VPS13B: variants seen among roughly 807,000 people sequenced by gnomAD.
VPS13B encodes the protein intermembrane lipid transfer protein VPS13B.
A neutral mutation model predicts 426.4 loss-of-function variants in VPS13B; 285 were observed. The ratio of observed to expected loss-of-function variants is 0.67; its 90% CI spans 0.61 to 0.74. The LOEUF (loss-of-function observed/expected upper bound fraction) is 0.74. Ranked by LOEUF, VPS13B falls within the 30% of genes least tolerant of loss-of-function variation. VPS13B has a pLI of 0.00. For missense variants in VPS13B, 4,537 were observed against 4,782.6 expected (o/e 0.95, Z 1.51); for synonymous variants, 1,676 against 1,676.4 (o/e 1.00, Z 0.01).
rs60089939 is a variant in VPS13B, at chr8:99,086,060, A to G, written c.292-10252A>G. Among the ~76,000 whole-genome samples, 77 of 152,298 alleles carry G rather than the reference A, an allele frequency of 5.1e-4. No individual in the cohort carries two copies. The East Asian group carries it at 0.012, about 23-fold the overall frequency. On this transcript the variant is annotated intron_variant, in intron 3 of 61. Transcript: ENST00000357162. ...ATAATATCCTGCAGAGTGTTTTCCA[A>G]CTTGTTTCCATTCTCCCTGTCACTT...
In VPS13B at chr8:99,720,954, T is replaced by G; in HGVS notation, c.6957T>G (p.Pro2319=). 1 of 1,614,026 alleles carries G rather than the reference T, an allele frequency of 6.2e-7. No homozygotes were observed. The highest frequency in any genetic ancestry group is 8.5e-7 in the Non-Finnish European group (1 of 1,179,954). ...PGMMLWRYPE[P]RVLTLVRITP... ...TGATGTTATGGAGATATCCAGAACCTAGAGTACTCACCCTTGTACGAATAA... is the reference window on the plus strand; with the variant it reads ...TGATGTTATGGAGATATCCAGAACCGAGAGTACTCACCCTTGTACGAATAA... Residue 2319 remains proline (P), a synonymous_variant, in exon 39 of 62, where the codon CCT becomes CCG. Transcript: ENST00000357162.
At chr8:99,241,567 A>G (rs2132887822) in intron 17 of VPS13B, 1 of 152,294 alleles carries the variant, frequency 6.6e-6, no homozygotes, top group South Asian at 2.1e-4. Flanking sequence ...CCATTTTTAG[A>G]ATGTATTTAA....
At chr8:99,420,801 C>A (rs1393196336) in intron 21 of VPS13B, among the ~76,000 whole-genome samples, 1 of 152,092 alleles carries the variant, frequency 6.6e-6, no homozygotes, top group Non-Finnish European at 1.5e-5. Context: ...AGGACCAAAT[C>A]TTTTTGGGAA....
intron 19 of VPS13B, among the ~76,000 whole-genome samples, chr8:99,351,452 G>T (rs1167714164): frequency 2.0e-5 from 3 of 151,828 alleles, no homozygotes; most frequent in Admixed American, 1.3e-4. Context: ...GTGTGTGTGT[G>T]TGTGTGTGTG....
intron 29 of VPS13B, 113 bp downstream of exon 29, chr8:99,511,625 TG>T (rs1344002636): frequency 1.0e-5 from 11 of 1,083,756 alleles, no homozygotes; most frequent in Admixed American, 5.4e-5. Flanking sequence ...TTGTGCTTTG[TG>T]GTTTGGTATA....
chr8:99,063,400 G>A (rs576315960), intron 3 of VPS13B, among the ~76,000 whole-genome samples: 6 of 152,316 alleles, frequency 3.9e-5, no homozygotes, highest in East Asian at 1.9e-4. Context: ...CTTAGCAAAC[G>A]GCATACCAGG....
intron 4 of VPS13B, among the ~76,000 whole-genome samples, chr8:99,096,943 A>C (rs1846459196): frequency 6.6e-6 from 1 of 152,130 alleles, no homozygotes; most frequent in Non-Finnish European, 1.5e-5. Context: ...AGACTCTGGT[A>C]TCTTTTAGGC....
intron 33 of VPS13B, among the ~76,000 whole-genome samples, chr8:99,600,914 T>A (rs1827264537): frequency 6.6e-6 from 1 of 152,166 alleles, no homozygotes; most frequent in Non-Finnish European, 1.5e-5. Flanking sequence ...GTTTCCTTTA[T>A]ACCCTAAATA....
chr8:99,746,850 C>T (rs1442707198), intron 39 of VPS13B, among the ~76,000 whole-genome samples: 1 of 152,110 alleles, frequency 6.6e-6, no homozygotes, highest in African/African-American at 2.4e-5. Context: ...ATGCTTAGTA[C>T]TTCCCTTGCC....
At position 99,875,776 on chromosome 8, in the gene VPS13B, ATCCTCCCACC is replaced by A; in HGVS notation, c.*113_*122del. 2 of 1,422,674 alleles carry A rather than the reference ATCCTCCCACC, an allele frequency of 1.4e-6. No individual in the cohort carries two copies. Among genetic ancestry groups the A allele is most frequent in the South Asian group, 2.4e-5 (2 of 83,988 alleles). The allele number at this position is 1,422,674 out of a possible 1,614,324, so 88.1% of individuals were successfully genotyped here. A position where few individuals can be genotyped will look rare whatever the true frequency, so the allele number is the denominator to read the frequency against. On this transcript the variant is annotated 3_prime_UTR_variant, in exon 62 of 62. Coordinates refer to ENST00000357162, the MANE Select transcript of VPS13B (RefSeq NM_152564.5). Reference sequence around the variant, plus strand: ...GACCTCAAATTCTGGGGTTCAAGCAATCCTCCCACCTCAACCCACAAGTAGCTACGACTGC... The same window carrying A: ...GACCTCAAATTCTGGGGTTCAAGCAATCAACCCACAAGTAGCTACGACTGC...
intron 31 of VPS13B, among the ~76,000 whole-genome samples, chr8:99,566,145 A>G (rs964667701): frequency 3.9e-5 from 6 of 152,174 alleles, no homozygotes; most frequent in African/African-American, 1.4e-4. Flanking sequence ...GTCCTGTGGC[A>G]ATATAAAAAG....
chr8:99,523,282 G>A (rs1023100862), intron 30 of VPS13B, among the ~76,000 whole-genome samples: 15 of 152,160 alleles, frequency 9.9e-5, no homozygotes, highest in African/African-American at 2.4e-4. Context: ...TTTGGGAGCC[G>A]GGGAACTCAC....
At chr8:99,859,721 A>T (rs1219031730) in intron 57 of VPS13B, among the ~76,000 whole-genome samples, 2 of 152,134 alleles carry the variant, frequency 1.3e-5, no homozygotes, top group Non-Finnish European at 2.9e-5. Flanking sequence ...TAAGCCTCCC[A>T]TTGGGAAAAC....
chr8:99,109,917 A>C (rs1365952756), intron 5 of VPS13B, among the ~76,000 whole-genome samples: 1 of 152,212 alleles, frequency 6.6e-6, no homozygotes, highest in Non-Finnish European at 1.5e-5. Context: ...GATAATTGTT[A>C]TCATAAAGAG....
intron 35 of VPS13B, chr8:99,697,857 A>G: frequency 3.6e-6 from 2 of 557,830 alleles, no homozygotes; most frequent in Non-Finnish European, 7.0e-6. Flanking sequence ...GAAGACAAGA[A>G]TGGCAAGGTC....
At chr8:99,861,404 C>T (rs983209361) in intron 57 of VPS13B, among the ~76,000 whole-genome samples, 4 of 152,186 alleles carry the variant, frequency 2.6e-5, no homozygotes, top group African/African-American at 7.2e-5. Flanking sequence ...TGGGCTTAGG[C>T]GATCCTCCCA....
At chr8:99,378,292 A>G (rs1410775922) in intron 19 of VPS13B, among the ~76,000 whole-genome samples, 5 of 152,188 alleles carry the variant, frequency 3.3e-5, no homozygotes, top group African/African-American at 1.2e-4. Flanking sequence ...CTTTAAGGCT[A>G]TCTCTCTTGT....
chr8:99,266,341 G>A (rs1392305360), intron 17 of VPS13B, among the ~76,000 whole-genome samples: 1 of 152,050 alleles, frequency 6.6e-6, no homozygotes, highest in Admixed American at 6.5e-5. Flanking sequence ...GAGCCCAGGA[G>A]CTCGATATTA....
At chr8:99,623,037 C>T (rs555304391) in intron 33 of VPS13B, among the ~76,000 whole-genome samples, 20 of 152,160 alleles carry the variant, frequency 1.3e-4, no homozygotes, top group Non-Finnish European at 2.6e-4. Context: ...TCTCTTGTCC[C>T]CTCAAAAGCT....
Sources: gnomAD v4.1 joint callset for allele counts (sites outside exome capture counted in the v4.1 genomes callset) on GRCh38, gnomAD v4.1.1 for gene constraint, MANE v1.5 for transcripts, NCBI Gene and HGNC (gene_info 2026-07-23, HGNC 2026-07-21) for gene names.